The following NDRG3 variants were observed in gnomAD, a reference collection of about 807,000 sequenced individuals.
NDRG3 encodes the protein protein NDRG3.
Under a neutral mutation model 57.2 loss-of-function variants are expected in NDRG3, and 23 were observed. The ratio of observed to expected loss-of-function variants is 0.40; its 90% CI spans 0.29 to 0.57. NDRG3 has a LOEUF of 0.57. NDRG3 is among the 20% of genes least tolerant of loss of function. NDRG3 has a pLI of 0.42. For missense variants in NDRG3, 384 were observed against 457.3 expected, an observed-to-expected ratio of 0.84 and a Z score of 1.46; for synonymous variants, 132 against 162.6, an observed-to-expected ratio of 0.81 and a Z score of 1.43.
chr20:36,677,797 A>T (rs145276046), intron 8 of NDRG3, among the ~76,000 whole-genome samples: 1 of 152,058 alleles, frequency 6.6e-6, no homozygotes, highest in Non-Finnish European at 1.5e-5. Flanking sequence ...TTCACCCTTC[A>T]CTTGTCTGTG....
At chr20:36,714,505 G>A (rs1310246528) in intron 2 of NDRG3, among the ~76,000 whole-genome samples, 17 of 145,358 alleles carry the variant, frequency 1.2e-4, no homozygotes, top group Middle Eastern at 3.7e-3. Context: ...GCAATAGCGC[G>A]ATCTCGACTC....
intron 8 of NDRG3, among the ~76,000 whole-genome samples, chr20:36,679,365 A>C (rs548078430): frequency 3.3e-5 from 5 of 152,374 alleles, no homozygotes; most frequent in African/African-American, 9.6e-5. Context: ...CAAGAGAAAT[A>C]AATGTGTATG....
intron 3 of NDRG3, among the ~76,000 whole-genome samples, chr20:36,702,144 C>CT (rs958255990): frequency 1.3e-4 from 20 of 148,764 alleles, no homozygotes; most frequent in East Asian, 2.0e-4. Context: ...GAAATGTCAA[C>CT]TTTTTTTTTT....
chr20:36,671,791 G>A (rs1980194203), intron 8 of NDRG3, among the ~76,000 whole-genome samples: 1 of 138,540 alleles, frequency 7.2e-6, no homozygotes. Context: ...GACACAGTGA[G>A]ACTCCGTCTC....
chr20:36,734,884 G>A (rs531662204), intron 1 of NDRG3, among the ~76,000 whole-genome samples: 3 of 152,186 alleles, frequency 2.0e-5, no homozygotes, highest in African/African-American at 7.2e-5. Flanking sequence ...GGGCATAATC[G>A]AGTCACTGCA....
At chr20:36,655,309 C>T (rs1184980496) in intron 15 of NDRG3, among the ~76,000 whole-genome samples, 5 of 152,224 alleles carry the variant, frequency 3.3e-5, no homozygotes, top group Non-Finnish European at 7.3e-5. Flanking sequence ...CCAGACAGCT[C>T]GCCAATGACC....
At chr20:36,669,377 GT>G (rs1979937066) in intron 9 of NDRG3, among the ~76,000 whole-genome samples, 1 of 108 alleles carries the variant, frequency 9.3e-3, no homozygotes, top group African/African-American at 0.05. Context: ...CTACAGGCGC[GT>G]GCACCACACG....
rs891001802 is a variant in NDRG3, at chr20:36,666,403, T to G, written c.589-11A>C. 3.1e-5 allele frequency: 50 copies of G among 1,590,340 alleles called. No homozygotes were observed. The highest frequency in any genetic ancestry group is 4.1e-5 in the Non-Finnish European group (48 of 1,158,606). ...GGCCTGTAACTCTTCCTAGAACAAT[T>G]GAAAGAAGACATGGGTAAGCTTCTG... On this transcript the variant is annotated splice_polypyrimidine_tract_variant and intron_variant, in intron 9 of 15. Coordinates refer to ENST00000349004, the MANE Select transcript of NDRG3 (RefSeq NM_032013.4).
rs767272311 is a variant in NDRG3, at chr20:36,660,359, G to C, written c.836C>G (p.Pro279Arg). The C allele has an allele frequency of 6.2e-7, 1 of 1,608,370 alleles. No individual in the cohort carries two copies. The highest frequency in any genetic ancestry group is 8.5e-7 in the Non-Finnish European group (1 of 1,176,380). ...AVVECNSRLNPINTTLLKMAD... is the reference protein window; with the variant it reads ...AVVECNSRLNRINTTLLKMAD... Reference sequence around the variant, plus strand: ...TACCTTTAGCAAAGTTGTATTTATAGGGTTCAGGCGGGAATTGCATTCGAC... The same window carrying C: ...TACCTTTAGCAAAGTTGTATTTATACGGTTCAGGCGGGAATTGCATTCGAC... Residue 279 changes from proline to arginine, a missense_variant, in exon 13 of 16, where the codon CCT (proline) becomes CGT (arginine). By Grantham distance (103) the Pro-to-Arg change is moderately radical. Transcript: ENST00000349004.
At chr20:36,686,499 G>T (rs527426132) in intron 5 of NDRG3, among the ~76,000 whole-genome samples, 1 of 152,284 alleles carries the variant, frequency 6.6e-6, no homozygotes, top group East Asian at 1.9e-4. Flanking sequence ...CTATTTCCCA[G>T]CAGTCACTGG....
Position 36,687,619 on chromosome 20 carries a change from G to A in NDRG3, c.200-7C>T, listed in dbSNP as rs776984686. On this transcript the variant is annotated splice_polypyrimidine_tract_variant and splice_region_variant and intron_variant, in intron 4 of 15. Coordinates refer to ENST00000349004, the MANE Select transcript of NDRG3 (RefSeq NM_032013.4). ...GCATTGAAACAGGATTTATCTATAA[G>A]AATAAAAATACCCATAAGTCACAGG... 6.2e-6 allele frequency: 10 copies of A among 1,611,798 alleles called. No individual in the cohort carries two copies. The highest frequency in any genetic ancestry group is 5.0e-5 in the Admixed American group (3 of 59,696).
At chr20:36,655,237 A>G (rs985487134) in intron 15 of NDRG3, among the ~76,000 whole-genome samples, 1 of 152,200 alleles carries the variant, frequency 6.6e-6, no homozygotes, top group Non-Finnish European at 1.5e-5. Context: ...GAGACAAGAC[A>G]TACATGGTCT....
intron 8 of NDRG3, among the ~76,000 whole-genome samples, chr20:36,675,891 G>T (rs1454197041): frequency 6.6e-6 from 1 of 152,102 alleles, no homozygotes; most frequent in Non-Finnish European, 1.5e-5. Flanking sequence ...TCCTGCAATG[G>T]TGTATTAGAA....
At chr20:36,722,740 G>A (rs540023563) in intron 1 of NDRG3, among the ~76,000 whole-genome samples, 3 of 152,230 alleles carry the variant, frequency 2.0e-5, no homozygotes, top group African/African-American at 7.2e-5. Context: ...GGCCTTCAAC[G>A]AGCCCAGTGA....
chr20:36,713,375 A>G (rs1984037052), intron 2 of NDRG3, among the ~76,000 whole-genome samples: 1 of 152,194 alleles, frequency 6.6e-6, no homozygotes, highest in Admixed American at 6.6e-5. Context: ...TCACAGTTAC[A>G]AGCTTAGAGA....
chr20:36,736,172 G>C (rs183359050), intron 1 of NDRG3, among the ~76,000 whole-genome samples: 1 of 152,084 alleles, frequency 6.6e-6, no homozygotes, highest in Non-Finnish European at 1.5e-5. Context: ...TTTAAAACTT[G>C]GTCATGTTGT....
rs542429434 is a variant in NDRG3 at position 36,653,814 on chromosome 20, C to T, written c.947-113G>A. The T allele has an allele frequency of 1.0e-5, 10 of 967,130 alleles. No individual in the cohort carries two copies. The African/African-American group carries it at 1.5e-4, about 14-fold the overall frequency. 59.9% of individuals were successfully genotyped at this position (967,130 alleles called of 1,614,324 possible). On this transcript the variant is annotated intron_variant, in intron 15 of 15. Coordinates refer to ENST00000349004, the MANE Select transcript of NDRG3 (RefSeq NM_032013.4). The surrounding 1 kb of genome is among the most constrained non-coding windows in gnomAD (Gnocchi z 4.2). ...CTTTTCCGACTCATTTACCATGACA[C>T]CCAGGACAAGATATAGCCATCCCCA...
At chr20:36,727,627 C>T (rs1244873411) in intron 1 of NDRG3, among the ~76,000 whole-genome samples, 9 of 151,810 alleles carry the variant, frequency 5.9e-5, no homozygotes, top group Non-Finnish European at 1.3e-4. Flanking sequence ...CTGCAAGCTC[C>T]GCCTCCTGGG....
At chr20:36,692,117 A>G (rs1294059547) in intron 3 of NDRG3, among the ~76,000 whole-genome samples, 1 of 152,262 alleles carries the variant, frequency 6.6e-6, no homozygotes, top group Non-Finnish European at 1.5e-5. Flanking sequence ...TCAATAAAAT[A>G]CTATTTCATA....
Sources: gnomAD v4.1 joint callset for allele counts (sites outside exome capture counted in the v4.1 genomes callset) on GRCh38, gnomAD v4.1.1 for gene constraint, Gnocchi (gnomAD v3.1) non-coding constraint, MANE v1.5 for transcripts, NCBI Gene and HGNC (gene_info 2026-07-23, HGNC 2026-07-21) for gene names.